Variants in ALK observed in about 807,000 individuals in gnomAD.
ALK encodes ALK receptor tyrosine kinase.
A neutral mutation model predicts 163.1 loss-of-function variants in ALK; 74 were observed. The ratio of observed to expected loss-of-function variants is 0.45; its 90% CI spans 0.38 to 0.55. The LOEUF is 0.55. Ranked by LOEUF, ALK falls within the 20% of genes least tolerant of loss-of-function variation. The pLI, the probability that ALK is intolerant of heterozygous loss-of-function variation, is 0.00. For synonymous variants in ALK, 960 were observed against 843.2 expected (o/e 1.14, Z -2.40); for missense variants, 2,063 against 2,105.3 (o/e 0.98, Z 0.39).
At chr2:29,218,578 A>G (rs1669701966) in intron 23 of ALK, among the ~76,000 whole-genome samples, 1 of 152,084 alleles carries the variant, frequency 6.6e-6, no homozygotes, top group Non-Finnish European at 1.5e-5. Flanking sequence ...GGGGGAGGGG[A>G]GAGAGGGAGA....
At chr2:29,500,326 G>C (rs11677924) in intron 4 of ALK, among the ~76,000 whole-genome samples, 122,284 of 151,802 alleles carry the variant, frequency 0.81, 49,536 homozygotes, top group Non-Finnish European at 0.85. Context: ...TGTGTGGCAC[G>C]TCCCTGCTAC....
rs1389812076 is a variant in ALK, at chr2:29,194,020, GA to G, written c.4165-99del. 12 of 1,202,996 alleles carry G rather than the reference GA, an allele frequency of 1.0e-5. No individual in the cohort carries two copies. The African/African-American group carries it at 1.5e-4, about 15-fold the overall frequency. The allele number at this position is 1,202,996 out of a possible 1,614,324, so 74.5% of individuals were successfully genotyped here. A position where few individuals can be genotyped will look rare whatever the true frequency, so the allele number is the denominator to read the frequency against. On this transcript the variant is annotated intron_variant, in intron 28 of 28. Transcript: ENST00000389048. The stretch of plus-strand genomic sequence containing the variant: ...TGATGTTATCTAAACATATTCTACA[GA>G]TGAGGAAACCAGGATTTATTGAGAA...
intron 4 of ALK, among the ~76,000 whole-genome samples, chr2:29,408,052 C>A (rs1234269719): frequency 6.7e-6 from 1 of 149,736 alleles, no homozygotes; most frequent in Non-Finnish European, 1.5e-5. Context: ...TGGGAAGATT[C>A]TTATAGGCAA....
At chr2:29,319,188 G>GA (rs1417043542) in intron 7 of ALK, 1 of 152,328 alleles carries the variant, frequency 6.6e-6, no homozygotes, top group East Asian at 1.9e-4. Context: ...GTGGTGGGAA[G>GA]AAGCATCTGC....
At chr2:29,495,238 T>G (rs1168584489) in intron 4 of ALK, among the ~76,000 whole-genome samples, 2 of 152,168 alleles carry the variant, frequency 1.3e-5, no homozygotes, top group Non-Finnish European at 2.9e-5. Context: ...CTGAAGGGGA[T>G]GAAGTGCATC....
At chr2:29,804,970 G>A (rs957849100) in intron 1 of ALK, among the ~76,000 whole-genome samples, 1 of 152,180 alleles carries the variant, frequency 6.6e-6, no homozygotes, top group Admixed American at 6.5e-5. Flanking sequence ...GGCCTGAGGA[G>A]TAATGGTGCA....
In ALK at chr2:29,459,375, A is replaced by G. The variant is rs1032306501; in HGVS notation, c.1154+72540T>C. On this transcript the variant is annotated intron_variant, in intron 4 of 28. Coordinates refer to ENST00000389048, the MANE Select transcript of ALK (RefSeq NM_004304.5). ...ATAGGGACAGACATGGCGGACACCA[A>G]TGGACACTCCTCTGCTGCTCCCTCT... is the stretch of plus-strand genomic sequence containing the variant. Among the ~76,000 whole-genome samples, 6 of 152,232 alleles carry G rather than the reference A, an allele frequency of 3.9e-5. 1 individual carries two copies. In the South Asian group the frequency reaches 6.2e-4, roughly 16 times the overall value.
intron 23 of ALK, among the ~76,000 whole-genome samples, chr2:29,215,954 C>T (rs539398463): frequency 5.4e-4 from 83 of 152,296 alleles, no homozygotes; most frequent in African/African-American, 1.9e-3. Context: ...AGTGCCTCAT[C>T]AGGGGACCCG....
chr2:29,333,384 G>T (rs1312344686), intron 5 of ALK, among the ~76,000 whole-genome samples: 1 of 152,152 alleles, frequency 6.6e-6, no homozygotes, highest in Non-Finnish European at 1.5e-5. Context: ...CCAAATACAG[G>T]CATAAGCTAT....
At chr2:29,341,054 C>A (rs1667777144) in intron 5 of ALK, among the ~76,000 whole-genome samples, 1 of 152,202 alleles carries the variant, frequency 6.6e-6, no homozygotes, top group Non-Finnish European at 1.5e-5. Flanking sequence ...ATAAAAGTTT[C>A]TTGAAAGAAT....
intron 2 of ALK, among the ~76,000 whole-genome samples, chr2:29,713,019 T>C (rs1402727866): frequency 6.6e-6 from 1 of 152,116 alleles, no homozygotes; most frequent in Admixed American, 6.6e-5. Flanking sequence ...AAATTCAAAG[T>C]TAATATGTAG....
intron 1 of ALK, among the ~76,000 whole-genome samples, chr2:29,913,700 C>A (rs1667764048): frequency 1.3e-5 from 2 of 152,158 alleles, no homozygotes; most frequent in Non-Finnish European, 2.9e-5. Context: ...TGGTTCTTAG[C>A]CTCTTTTTTT....
chr2:29,608,306 G>A (rs1675596824), intron 3 of ALK, among the ~76,000 whole-genome samples: 1 of 152,162 alleles, frequency 6.6e-6, no homozygotes, highest in African/African-American at 2.4e-5. Context: ...CTTCATGAAG[G>A]CAGGGAATAT....
rs180948770 is a variant in ALK at position 29,863,120 on chromosome 2, G to C, written c.667+56873C>G. Among the ~76,000 whole-genome samples the C allele has an allele frequency of 2.2e-3, 332 of 152,270 alleles. 3 individuals carry two copies. The highest frequency in any genetic ancestry group is 7.6e-3 in the African/African-American group (317 of 41,568). On this transcript the variant is annotated intron_variant, in intron 1 of 28. Coordinates refer to ENST00000389048, the MANE Select transcript of ALK (RefSeq NM_004304.5). ...CCATATACAAAAATCAACTTGAAAT[G>C]GATTAATGACTTAAATGTAAGACCT...
At chr2:29,817,394 G>A (rs1036352691) in intron 1 of ALK, among the ~76,000 whole-genome samples, 6 of 152,156 alleles carry the variant, frequency 3.9e-5, no homozygotes, top group African/African-American at 7.2e-5. Context: ...AATAAACAAC[G>A]TGACTGCAAG....
intron 1 of ALK, among the ~76,000 whole-genome samples, chr2:29,885,859 AT>A (rs1465577028): frequency 6.6e-6 from 1 of 152,214 alleles, no homozygotes; most frequent in Middle Eastern, 3.2e-3. Flanking sequence ...TGGAAGAAGA[AT>A]TGATATTGTA....
intron 1 of ALK, among the ~76,000 whole-genome samples, chr2:29,843,594 C>A (rs12621834): frequency 0.31 from 47,659 of 152,006 alleles, 7,848 homozygotes; most frequent in East Asian, 0.54. Flanking sequence ...CTGCCTGACG[C>A]TGAATTCATT....
chr2:29,481,239 T>A (rs1671653213), intron 4 of ALK, among the ~76,000 whole-genome samples: 1 of 152,232 alleles, frequency 6.6e-6, no homozygotes, highest in South Asian at 2.1e-4. Flanking sequence ...TTTTACCATT[T>A]CATCATTTTC....
Position 29,227,147 on chromosome 2 carries a change from C to T in ALK, c.2915-73G>A. On this transcript the variant is annotated intron_variant, in intron 17 of 28. Transcript: ENST00000389048. This position sits in a 1 kb window ranked among gnomAD's most constrained non-coding sequence, Gnocchi z 4.4. ...ACTCCCAGCCTCAGTACTATGTCTC[C>T]AGGTGGTCACTGTGGGTGCTCTGGT... 6.2e-7 allele frequency: 1 copy of T among 1,604,068 alleles called. No homozygotes were observed. Among genetic ancestry groups the T allele is most frequent in the Non-Finnish European group, 8.5e-7 (1 of 1,172,062 alleles).
Sources: allele counts gnomAD v4.1 joint callset (sites outside exome capture counted in the v4.1 genomes callset), GRCh38; gene constraint gnomAD v4.1.1; non-coding constraint Gnocchi (gnomAD v3.1); transcripts MANE v1.5; gene names NCBI Gene and HGNC (gene_info 2026-07-23, HGNC 2026-07-21).